AP2A1: variants seen among roughly 807,000 people sequenced by gnomAD.
The protein encoded by AP2A1 is AP-2 complex subunit alpha-1.
A neutral mutation model predicts 107.3 loss-of-function variants in AP2A1; 21 were observed. That is an observed-to-expected ratio of 0.20 (90% CI 0.14 to 0.28). The LOEUF is 0.28. Among genes scored for constraint, AP2A1 ranks in the 10% least tolerant of loss-of-function variants. The pLI is 1.00. For missense variants in AP2A1, 873 were observed against 1,307.7 expected (o/e 0.67, Z 5.13); for synonymous variants, 602 against 564.8 (o/e 1.07, Z -0.93).
chr19:49,795,769 G>T (rs1436190746), intron 7 of AP2A1, 31 bp downstream of exon 7: 2 of 1,485,646 alleles, frequency 1.3e-6, no homozygotes, highest in Admixed American at 3.9e-5. Flanking sequence ...CCCAACCCGG[G>T]GTGGCCTGCT....
intron 1 of AP2A1, among the ~76,000 whole-genome samples, chr19:49,779,951 T>C (rs983242284): frequency 6.6e-6 from 1 of 152,216 alleles, no homozygotes; most frequent in South Asian, 2.1e-4. Flanking sequence ...GAAGTGAGGC[T>C]TATGGGAGCT....
At chr19:49,791,076 C>T (rs1467669620) in intron 4 of AP2A1, among the ~76,000 whole-genome samples, 2 of 152,262 alleles carry the variant, frequency 1.3e-5, no homozygotes, top group African/African-American at 2.4e-5. Context: ...TGGCTCAGGC[C>T]GCAGCCTGCA....
rs1177192729 is a variant in AP2A1, at chr19:49,795,536, C to T, written c.706-94C>T. 9.9e-6 allele frequency: 8 copies of T among 805,620 alleles called. 1 individual carries two copies. The South Asian group carries it at 1.1e-4, about 11-fold the overall frequency. The allele number at this position is 805,620 out of a possible 1,614,324, so 49.9% of individuals were successfully genotyped here. Reference sequence around the variant, plus strand: ...AAAACCATTAACACTGACAGCACTGCCCTTGGAAGGCACCATTTGCTCCAC... The same window carrying T: ...AAAACCATTAACACTGACAGCACTGTCCTTGGAAGGCACCATTTGCTCCAC... On this transcript the variant is annotated intron_variant, in intron 6 of 22. Coordinates refer to ENST00000354293, the MANE Select transcript of AP2A1 (RefSeq NM_130787.3).
At position 49,805,672 on chromosome 19, in the gene AP2A1, C is replaced by G; in HGVS notation, c.2480C>G (p.Ala827Gly). ...LLSVRFRYGGAPQALTLKLPV... is the reference protein window; with the variant it reads ...LLSVRFRYGGGPQALTLKLPV... ...TTTCACCTCATCAGGTACGGTGGCGCCCCCCAGGCCCTCACCCTGAAGCTC... is the reference window on the plus strand; with the variant it reads ...TTTCACCTCATCAGGTACGGTGGCGGCCCCCAGGCCCTCACCCTGAAGCTC... The change falls in exon 20 of 23, where the codon GCC becomes GGC. Residue 827 changes from alanine to glycine, a missense_variant. Transcript: ENST00000354293. 6.4e-7 allele frequency: 1 copy of G among 1,561,064 alleles called. No individual in the cohort carries two copies. The highest frequency in any genetic ancestry group is 8.7e-7 in the Non-Finnish European group (1 of 1,153,228).
chr19:49,801,607 A>C lies in AP2A1; in HGVS notation c.1771A>C (p.Ser591Arg). The change falls in exon 13 of 23, where the codon AGC becomes CGC. Residue 591 changes from serine to arginine, a missense_variant. By Grantham distance (110) the Ser-to-Arg change is moderately radical (BLOSUM62 -1). Around this residue, in one of 4 missense-constraint regions of AP2A1, gnomAD observed 213 missense variants for 443.5 expected, o/e 0.48. Coordinates refer to ENST00000354293, the MANE Select transcript of AP2A1 (RefSeq NM_130787.3). ...GTACCTCACCCTCAGCTCAGTGGCCAGCACCGACGTCCTGGTCAGAGCCCT... is the reference window on the plus strand; with the variant it reads ...GTACCTCACCCTCAGCTCAGTGGCCCGCACCGACGTCCTGGTCAGAGCCCT... ...VEYLTLSSVA[S>R]TDVLATVLEE... 2 of 1,612,284 alleles carry C rather than the reference A, an allele frequency of 1.2e-6. No individual in the cohort carries two copies. Among genetic ancestry groups the C allele is most frequent in the Non-Finnish European group, 1.7e-6 (2 of 1,179,404 alleles).
rs111484299 is a variant in AP2A1, at chr19:49,801,528, G to A, written c.1692G>A (p.Arg564=). 6.2e-7 allele frequency: 1 copy of A among 1,613,514 alleles called. No individual in the cohort carries two copies. Among genetic ancestry groups the A allele is most frequent in the East Asian group, 2.2e-5 (1 of 44,858 alleles). ...ETKATIQGVL[R]AGSQLRNADV... is the part of the protein sequence containing the mutation. ...AGGCCACCATCCAGGGCGTCCTGCG[G>A]GCCGGCTCCCAGCTGCGCAATGCTG... is the stretch of plus-strand genomic sequence containing the variant. The change falls in exon 13 of 23, where the codon CGG becomes CGA. Residue 564 remains arginine (R), a synonymous_variant. Coordinates refer to ENST00000354293, the MANE Select transcript of AP2A1 (RefSeq NM_130787.3).
At position 49,776,104 on chromosome 19, in the gene AP2A1, C is replaced by T. The variant is rs576345055; in HGVS notation, c.68-5653C>T. On this transcript the variant is annotated intron_variant, in intron 1 of 22. Coordinates refer to ENST00000354293, the MANE Select transcript of AP2A1 (RefSeq NM_130787.3). ...ACGGCAACAGCCACTGGACGGAGCA[C>T]GGCCTGCCCCTCCCATGGCCCCCCC... 1.2e-4 allele frequency among the ~76,000 whole-genome samples: 19 copies of T among 152,240 alleles called. No individual in the cohort carries two copies. In the South Asian group the frequency reaches 3.9e-3, roughly 32 times the overall value.
rs769598908 is a variant in AP2A1, at chr19:49,803,289, C to T, written c.2257C>T (p.Arg753Cys). The T allele has an allele frequency of 1.9e-6, 3 of 1,613,852 alleles. No homozygotes were observed. The highest frequency in any genetic ancestry group is 1.1e-5 in the South Asian group (1 of 91,082). ...VKSEFRQNLG[R>C]MYLFYGNKTS... Reference sequence around the variant, plus strand: ...TCTGCCTCCCCCACCTACTGCAGGCCGCATGTATCTCTTCTATGGCAACAA... The same window carrying T: ...TCTGCCTCCCCCACCTACTGCAGGCTGCATGTATCTCTTCTATGGCAACAA... The change falls in exon 18 of 23, where the codon CGC (arginine) becomes TGC (cysteine). Residue 753 changes from arginine to cysteine, a missense_variant and splice_region_variant. Transcript: ENST00000354293.
intron 1 of AP2A1, among the ~76,000 whole-genome samples, chr19:49,780,847 G>T (rs1194006222): frequency 6.6e-6 from 1 of 152,164 alleles, no homozygotes; most frequent in African/African-American, 2.4e-5. Context: ...CTGCACTGCA[G>T]CCTGGGCGAC....
At chr19:49,799,040 C>T in intron 8 of AP2A1, 88 bp downstream of exon 8, 1 of 1,491,332 alleles carries the variant, frequency 6.7e-7, no homozygotes, top group Non-Finnish European at 9.0e-7. Flanking sequence ...AGGCAGAGGG[C>T]AGGGAATCTT....
At chr19:49,802,747 C>G (rs548562672) in intron 15 of AP2A1, 9 of 1,035,350 alleles carry the variant, frequency 8.7e-6, no homozygotes, top group Non-Finnish European at 1.2e-5. Context: ...TGGTGTCTGC[C>G]GATGCGGGGG....
intron 1 of AP2A1, among the ~76,000 whole-genome samples, chr19:49,774,666 T>TA (rs1228541807): frequency 6.6e-6 from 1 of 152,162 alleles, no homozygotes; most frequent in Non-Finnish European, 1.5e-5. Flanking sequence ...CTCACGCCTG[T>TA]AATCCCAGCA....
At chr19:49,789,590 CTTTT>C in intron 4 of AP2A1, among the ~76,000 whole-genome samples, 1 of 107,650 alleles carries the variant, frequency 9.3e-6, no homozygotes. Flanking sequence ...TGCGCCTGGC[CTTTT>C]TTTTTTTTTT....
rs372658935 is a variant in AP2A1, at chr19:49,781,931, C to T, written c.137-16C>T. ...TCCTTATTTCTGGCTCCCCTTTCCTCCTTCCTCTGCCCTAGGAGACAAAGC... is the reference window on the plus strand; with the variant it reads ...TCCTTATTTCTGGCTCCCCTTTCCTTCTTCCTCTGCCCTAGGAGACAAAGC... On this transcript the variant is annotated splice_polypyrimidine_tract_variant and intron_variant, in intron 2 of 22. Coordinates refer to ENST00000354293, the MANE Select transcript of AP2A1 (RefSeq NM_130787.3). The T allele has an allele frequency of 5.0e-6, 8 of 1,609,576 alleles. No individual in the cohort carries two copies. The highest frequency in any genetic ancestry group is 1.7e-4 in the Middle Eastern group (1 of 6,034).
intron 6 of AP2A1, 107 bp from the exon 7 acceptor site, chr19:49,795,523 A>G: frequency 2.7e-6 from 2 of 735,866 alleles, no homozygotes; most frequent in Non-Finnish European, 4.7e-6. Flanking sequence ...AACCATTAAC[A>G]CTGACAGCAC....
intron 22 of AP2A1, 130 bp from the exon 23 acceptor site, chr19:49,806,551 C>G (rs578146657): frequency 1.3e-6 from 2 of 1,488,524 alleles, no homozygotes; most frequent in Non-Finnish European, 1.8e-6. Context: ...TTCAGTCTTA[C>G]ATTTTTCTCT....
At position 49,805,968 on chromosome 19, in the gene AP2A1, G is replaced by A. The variant is rs1640510; in HGVS notation, c.2655+27G>A. 34 of 1,613,542 alleles carry A rather than the reference G, an allele frequency of 2.1e-5. No homozygotes were observed. In the African/African-American group the frequency reaches 3.5e-4, roughly 16 times the overall value. The stretch of plus-strand genomic sequence containing the variant: ...TGAGAGACCGCGGGCGTGTTTGCCG[G>A]CCTATGGCTGCTTTGCTTCTCTGAG... On this transcript the variant is annotated intron_variant, in intron 21 of 22. Transcript: ENST00000354293.
At chr19:49,805,406 C>G in intron 18 of AP2A1, 47 bp from the exon 19 acceptor site, 2 of 1,491,722 alleles carry the variant, frequency 1.3e-6, no homozygotes, top group South Asian at 2.5e-5. Flanking sequence ...CCAGACCTCC[C>G]GGGGGCCCAC....
In AP2A1 at chr19:49,803,178, G is replaced by C; in HGVS notation, c.2243G>C (p.Arg748Pro). The C allele has an allele frequency of 6.2e-7, 1 of 1,613,964 alleles. No homozygotes were observed. The highest frequency in any genetic ancestry group is 8.5e-7 in the Non-Finnish European group (1 of 1,179,892). ...LLQIGVKSEFRQNLGRMYLFY... is the reference protein window; with the variant it reads ...LLQIGVKSEFPQNLGRMYLFY... Reference sequence around the variant, plus strand: ...CAGATCGGAGTCAAGTCAGAGTTCCGACAGAACCTGGGTGTGTCCCGGGGG... The same window carrying C: ...CAGATCGGAGTCAAGTCAGAGTTCCCACAGAACCTGGGTGTGTCCCGGGGG... Residue 748 changes from arginine (R) to proline (P), a missense_variant, in exon 17 of 23, where the codon CGA (arginine) becomes CCA (proline). By Grantham distance (103) the Arg-to-Pro change is moderately radical. Around this residue, in one of 4 missense-constraint regions of AP2A1, gnomAD observed 416 missense variants for 473.4 expected, o/e 0.88. Coordinates refer to ENST00000354293, the MANE Select transcript of AP2A1 (RefSeq NM_130787.3).
Sources: gnomAD v4.1 joint callset for allele counts (sites outside exome capture counted in the v4.1 genomes callset) on GRCh38, gnomAD v4.1.1 for gene constraint, gnomAD v4.1.1 regional missense constraint, MANE v1.5 for transcripts, NCBI Gene and HGNC (gene_info 2026-07-23, HGNC 2026-07-21) for gene names.